TDRD1: variants seen among roughly 807,000 people sequenced by gnomAD.
TDRD1 encodes tudor domain containing 1, also known as tudor domain-containing protein 1.
TDRD1 carries 37 observed loss-of-function variants against 140.6 expected under a neutral mutation model. That is an observed-to-expected ratio of 0.26 (90% CI 0.20 to 0.35). TDRD1 has a LOEUF of 0.35. TDRD1 is among the 10% of genes least tolerant of loss of function. TDRD1 has a pLI of 1.00. For synonymous variants in TDRD1, 506 were observed against 475.7 expected, an observed-to-expected ratio of 1.06 and a Z score of -0.83; for missense variants, 1,243 against 1,393.0, an observed-to-expected ratio of 0.89 and a Z score of 1.71.
At chr10:114,212,473 GT>G (rs2035549649) in intron 14 of TDRD1, among the ~76,000 whole-genome samples, 1 of 152,170 alleles carries the variant, frequency 6.6e-6, no homozygotes, top group South Asian at 2.1e-4. Context: ...GTATGAGAGA[GT>G]CCATTCTCAT....
In TDRD1 at chr10:114,204,702, A is replaced by C. The variant is rs190775310; in HGVS notation, c.1126-20A>C. The C allele has an allele frequency of 1.3e-6, 2 of 1,568,088 alleles. No individual in the cohort carries two copies. The highest frequency in any genetic ancestry group is 1.7e-6 in the Non-Finnish European group (2 of 1,167,204). On this transcript the variant is annotated intron_variant, in intron 9 of 25. Transcript: ENST00000251864. ...TTTTAAATGGTAATTTTTGTAAGTA[A>C]CCTGCGTAAAATTTTTCAGGCCATA...
At chr10:114,188,020 A>G in exon 2 of TDRD1, 1 of 1,614,220 alleles carries the variant, frequency 6.2e-7, no homozygotes. Context: ...ATGGAAATAA[A>G]AAGAACAATT....
chr10:114,211,979 C>T, exon 14 of TDRD1: 2 of 1,612,438 alleles, frequency 1.2e-6, no homozygotes, highest in Non-Finnish European at 1.7e-6. Context: ...GAGACTTTGT[C>T]CCATAATCCC....
intron 3 of TDRD1, among the ~76,000 whole-genome samples, chr10:114,195,829 C>T (rs544941492): frequency 6.6e-6 from 1 of 151,840 alleles, no homozygotes; most frequent in Non-Finnish European, 1.5e-5. Context: ...TTCTTTTTTC[C>T]TGCCTTCTTG....
intron 3 of TDRD1, among the ~76,000 whole-genome samples, chr10:114,191,488 A>T (rs905441487): frequency 2.0e-5 from 3 of 152,244 alleles, no homozygotes; most frequent in African/African-American, 7.2e-5. Context: ...AACAGTACGT[A>T]ACCTTTTGGG....
In TDRD1 at chr10:114,226,181, C is replaced by T. The variant is rs576653939; in HGVS notation, c.3140C>T (p.Ala1047Val). Residue 1047 changes from alanine (A) to valine (V), a missense_variant, in exon 22 of 26, where the codon GCG becomes GTG. Physicochemically the swap from Ala to Val is moderately conservative, Grantham distance 64 (BLOSUM62 0). Coordinates refer to ENST00000251864, the Ensembl canonical transcript of TDRD1. Reference sequence around the variant, plus strand: ...CAACCAATCACCTCTAGCCACCTGGCGCTTCCTTTCCAAATTATTAGATGT... The same window carrying T: ...CAACCAATCACCTCTAGCCACCTGGTGCTTCCTTTCCAAATTATTAGATGT... 14 of 1,613,584 alleles carry T rather than the reference C, an allele frequency of 8.7e-6. No homozygotes were observed. The highest frequency in any genetic ancestry group is 4.0e-5 in the African/African-American group (3 of 75,016).
At chr10:114,209,082 TATA>T (rs764593375) in intron 11 of TDRD1, among the ~76,000 whole-genome samples, 5 of 152,056 alleles carry the variant, frequency 3.3e-5, no homozygotes, top group Non-Finnish European at 7.4e-5. Context: ...CCTGGCCAGA[TATA>T]ATTTTTAAAA....
exon 11 of TDRD1, chr10:114,206,244 G>C: frequency 6.2e-7 from 1 of 1,611,220 alleles, no homozygotes; most frequent in Non-Finnish European, 8.5e-7. Context: ...CACTTTTTAG[G>C]AAAACTTTTA....
chr10:114,230,356 A>G (rs1385227593), intron 25 of TDRD1, among the ~76,000 whole-genome samples: 1 of 152,246 alleles, frequency 6.6e-6, no homozygotes, highest in African/African-American at 2.4e-5. Flanking sequence ...GAATAAATAG[A>G]TATTTTATTT....
exon 12 of TDRD1, chr10:114,210,656 T>A (rs892911474): frequency 1.2e-6 from 2 of 1,612,716 alleles, no homozygotes; most frequent in Non-Finnish European, 1.7e-6. Context: ...ATCCCAAAAG[T>A]GTTAACTTTG....
chr10:114,187,005 A>G (rs1445862760), intron 1 of TDRD1, among the ~76,000 whole-genome samples: 5 of 152,174 alleles, frequency 3.3e-5, no homozygotes, highest in East Asian at 1.9e-4. Context: ...GCTATCAGTC[A>G]CTACTTCAGA....
exon 7 of TDRD1, chr10:114,203,157 A>G (rs1487070479): frequency 6.8e-6 from 11 of 1,612,602 alleles, no homozygotes; most frequent in Non-Finnish European, 9.3e-6. Context: ...CTACAACTCA[A>G]GAAAACCATG....
At chr10:114,205,785 T>C (rs1364792843) in intron 10 of TDRD1, among the ~76,000 whole-genome samples, 2 of 152,188 alleles carry the variant, frequency 1.3e-5, no homozygotes, top group African/African-American at 4.8e-5. Context: ...TTAAAAAGAC[T>C]GAATAAGACC....
chr10:114,192,292 C>CTTTTTTTTTTTTTTTTTT (rs938140798), intron 3 of TDRD1, among the ~76,000 whole-genome samples: 2 of 75,112 alleles, frequency 2.7e-5, no homozygotes, highest in Admixed American at 1.4e-4. Context: ...GATAGTTTTC[C>CTTTTTTTTTTTTTTTTTT]TTTTTTTTTT....
At chr10:114,198,819 A>G (rs1445609922) in intron 3 of TDRD1, among the ~76,000 whole-genome samples, 2 of 152,130 alleles carry the variant, frequency 1.3e-5, no homozygotes, top group Admixed American at 6.5e-5. Flanking sequence ...ACACCCGGCT[A>G]GAGAGCAGGG....
intron 4 of TDRD1, among the ~76,000 whole-genome samples, chr10:114,201,053 A>C (rs1186463526): frequency 6.8e-6 from 1 of 147,918 alleles, no homozygotes; most frequent in Non-Finnish European, 1.5e-5. Context: ...AAGGTTTCAA[A>C]CCATGTTGGC....
chr10:114,224,552 A>C (rs1424378767), intron 21 of TDRD1, among the ~76,000 whole-genome samples: 1 of 151,610 alleles, frequency 6.6e-6, no homozygotes, highest in Non-Finnish European at 1.5e-5. Context: ...CTGAATTTGA[A>C]CTCTGCTAAA....
chr10:114,186,294 C>T (rs182977648), intron 1 of TDRD1, among the ~76,000 whole-genome samples: 195 of 152,152 alleles, frequency 1.3e-3, no homozygotes, highest in African/African-American at 4.5e-3. Flanking sequence ...GATGGAGTCT[C>T]GCTGTGTTGC....
intron 11 of TDRD1, among the ~76,000 whole-genome samples, chr10:114,206,920 T>C (rs1259174947): frequency 6.6e-6 from 1 of 151,304 alleles, no homozygotes; most frequent in Non-Finnish European, 1.5e-5. Context: ...CCTGCCAAGT[T>C]AGGGCTTTTT....
Sources: gnomAD v4.1 joint callset for allele counts (sites outside exome capture counted in the v4.1 genomes callset) on GRCh38, gnomAD v4.1.1 for gene constraint, MANE v1.5 for transcripts, NCBI Gene and HGNC (gene_info 2026-07-23, HGNC 2026-07-21) for gene names.